The following EML4 variants were observed in gnomAD, a reference collection of about 807,000 sequenced individuals.
The protein encoded by EML4 is EMAP like 4, also known as echinoderm microtubule-associated protein-like 4.
A neutral mutation model predicts 129.0 loss-of-function variants in EML4; 72 were observed. The observed-to-expected ratio is 0.56, with a 90% CI of 0.46 to 0.68. EML4 has a LOEUF of 0.68. Ranked by LOEUF, EML4 falls within the 30% of genes least tolerant of loss-of-function variation. EML4 has a pLI of 0.00. For missense variants in EML4, 1,363 were observed against 1,190.6 expected, an observed-to-expected ratio of 1.14 and a Z score of -2.13; for synonymous variants, 532 against 405.0, an observed-to-expected ratio of 1.31 and a Z score of -3.77.
At chr2:42,191,171 T>A (rs963314264) in intron 1 of EML4, among the ~76,000 whole-genome samples, 1 of 152,188 alleles carries the variant, frequency 6.6e-6, no homozygotes, top group Non-Finnish European at 1.5e-5. Context: ...TGTTCATTAT[T>A]TTTTTTAATT....
At position 42,251,880 on chromosome 2, in the gene EML4, A is replaced by G. The variant is rs192252013; in HGVS notation, c.209-4621A>G. 3.0e-3 allele frequency among the ~76,000 whole-genome samples: 458 copies of G among 152,298 alleles called. 2 individuals carry two copies. Among genetic ancestry groups the G allele is most frequent in the African/African-American group, 0.011 (443 of 41,570 alleles). On this transcript the variant is annotated intron_variant, in intron 2 of 22. Coordinates refer to ENST00000318522, the MANE Select transcript of EML4 (RefSeq NM_019063.5). ...TGTTTGTACTTCTCTTTTGGCATAT[A>G]TATTTGTTGCTCCCACTAGGTGATA...
At chr2:42,285,754 A>G (rs1667269720) in intron 9 of EML4, among the ~76,000 whole-genome samples, 1 of 152,026 alleles carries the variant, frequency 6.6e-6, no homozygotes, top group African/African-American at 2.4e-5. Context: ...GCGTACTACC[A>G]TGCCTGGCTA....
At chr2:42,304,853 C>G (rs765195718) in intron 17 of EML4, among the ~76,000 whole-genome samples, 3 of 152,116 alleles carry the variant, frequency 2.0e-5, no homozygotes, top group African/African-American at 7.2e-5. Context: ...CTGACGCAGC[C>G]AGGCACAGTA....
chr2:42,330,342 T>G lies in EML4; in HGVS notation c.*135T>G. 1.3e-6 allele frequency: 1 copy of G among 796,684 alleles called. No individual in the cohort carries two copies. 49.4% of individuals were successfully genotyped at this position (796,684 alleles called of 1,614,324 possible). On this transcript the variant is annotated 3_prime_UTR_variant, in exon 23 of 23. Coordinates refer to ENST00000318522, the MANE Select transcript of EML4 (RefSeq NM_019063.5). The stretch of plus-strand genomic sequence containing the variant: ...TTTCCATGTGATTTGTTTTCTTCAA[T>G]AGTCTTATTTTCAGTCTCTCAAATA...
intron 1 of EML4, among the ~76,000 whole-genome samples, chr2:42,206,103 A>T (rs1302793482): frequency 6.6e-6 from 1 of 152,202 alleles, no homozygotes; most frequent in Non-Finnish European, 1.5e-5. Context: ...AAACGTTTGT[A>T]CGACATTTTT....
At chr2:42,312,572 T>C (rs1324777047) in intron 17 of EML4, among the ~76,000 whole-genome samples, 2 of 137,114 alleles carry the variant, frequency 1.5e-5, no homozygotes, top group Admixed American at 1.4e-4. Flanking sequence ...TTTTTTTTTT[T>C]AGACGGGGTC....
intron 1 of EML4, among the ~76,000 whole-genome samples, chr2:42,236,814 A>C (rs1171048863): frequency 1.3e-5 from 2 of 152,144 alleles, no homozygotes; most frequent in African/African-American, 4.8e-5. Context: ...TATCTTTGGG[A>C]ACACTGTATG....
At chr2:42,182,306 CCCT>C (rs1670995028) in intron 1 of EML4, among the ~76,000 whole-genome samples, 2 of 134,510 alleles carry the variant, frequency 1.5e-5, no homozygotes, top group African/African-American at 5.4e-5. Flanking sequence ...TATCCCTCCC[CCCT>C]CCCCCCTCCA....
chr2:42,288,311 G>A lies in EML4; in HGVS notation c.1207G>A (p.Ala403Thr), dbSNP rs143932826. The change falls in exon 11 of 23, where the codon GCA becomes ACA. Residue 403 changes from alanine to threonine, a missense_variant. Physicochemically the swap from Ala to Thr is moderately conservative, Grantham distance 58. Coordinates refer to ENST00000318522, the MANE Select transcript of EML4 (RefSeq NM_019063.5). ...VWDWQKKAKGAEIKTTNEVVL... is the reference protein window; with the variant it reads ...VWDWQKKAKGTEIKTTNEVVL... ...GGACTGGCAGAAGAAAGCAAAAGGA[G>A]CAGAAATAAAGGTAAATTTTTAAAA... 1.2e-3 allele frequency: 1,826 copies of A among 1,547,734 alleles called. 2 individuals carry two copies. The highest frequency in any genetic ancestry group is 3.6e-3 in the South Asian group (314 of 87,500).
intron 20 of EML4, 83 bp downstream of exon 20, chr2:42,325,637 T>TATATATATATATATATATATATATGC (rs1553397129): frequency 2.0e-5 from 4 of 204,850 alleles, no homozygotes; most frequent in Non-Finnish European, 3.6e-5. Context: ...TATATATATA[T>TATATATATATATATATATATATATGC]ATGCTAAGAT....
chr2:42,284,482 G>C (rs1168694953), intron 8 of EML4, 152 bp from the exon 9 acceptor site: 14 of 499,936 alleles, frequency 2.8e-5, no homozygotes, highest in Non-Finnish European at 4.6e-5. Context: ...GAAATCTTCA[G>C]ATATTTGATG....
chr2:42,292,646 T>C (rs1360415760), intron 11 of EML4, among the ~76,000 whole-genome samples: 2 of 152,216 alleles, frequency 1.3e-5, no homozygotes, highest in African/African-American at 4.8e-5. Context: ...AGGGTATTTA[T>C]GGAAGGTTAG....
chr2:42,329,695 G>A (rs1291557961), intron 22 of EML4, 39 bp from the exon 23 acceptor site: 2 of 1,545,242 alleles, frequency 1.3e-6, no homozygotes, highest in Non-Finnish European at 1.8e-6. Context: ...TGTCAAGAAT[G>A]AGTTTAATTT....
rs188685192 is a variant in EML4, at chr2:42,253,580, C to T, written c.209-2921C>T. Among the ~76,000 whole-genome samples the T allele has an allele frequency of 1.3e-3, 196 of 152,144 alleles. 1 individual carries two copies. The highest frequency in any genetic ancestry group is 4.6e-3 in the African/African-American group (189 of 41,462). ...CAAGAAGAGAGACTCGAGATAAACT[C>T]AACATAATCCAAAAGAGAAATTTGG... On this transcript the variant is annotated intron_variant, in intron 2 of 22. Coordinates refer to ENST00000318522, the MANE Select transcript of EML4 (RefSeq NM_019063.5).
chr2:42,173,324 A>G (rs1421731138), intron 1 of EML4, among the ~76,000 whole-genome samples: 1 of 151,192 alleles, frequency 6.6e-6, no homozygotes, highest in Non-Finnish European at 1.5e-5. Context: ...AACTTTTTTT[A>G]TTGGTTGCCT....
chr2:42,299,205 C>G (rs759402441), intron 13 of EML4, among the ~76,000 whole-genome samples: 1 of 152,200 alleles, frequency 6.6e-6, no homozygotes, highest in African/African-American at 2.4e-5. Flanking sequence ...CAAGCCCTTT[C>G]CTGTCTCCCT....
Position 42,198,998 on chromosome 2 carries a change from G to A in EML4, c.25+29362G>A, listed in dbSNP as rs567397037. The stretch of plus-strand genomic sequence containing the variant: ...AGTTGAAAGTATTGCAGTGAGAGTG[G>A]TTGAAGTTATGTATCTTGGGGGTTT... On this transcript the variant is annotated intron_variant, in intron 1 of 22. Coordinates refer to ENST00000318522, the MANE Select transcript of EML4 (RefSeq NM_019063.5). Among the ~76,000 whole-genome samples the A allele has an allele frequency of 1.3e-3, 199 of 152,322 alleles. 1 individual carries two copies. Among genetic ancestry groups the A allele is most frequent in the African/African-American group, 4.3e-3 (179 of 41,570 alleles).
intron 17 of EML4, among the ~76,000 whole-genome samples, chr2:42,308,064 T>G (rs954826732): frequency 1.3e-5 from 2 of 152,274 alleles, no homozygotes; most frequent in Non-Finnish European, 1.5e-5. Context: ...CTAGATATCT[T>G]CTACTTCATG....
chr2:42,256,422 A>G, intron 2 of EML4, 79 bp from the exon 3 acceptor site: 1 of 1,437,236 alleles, frequency 7.0e-7, no homozygotes, highest in Non-Finnish European at 9.3e-7. Flanking sequence ...CCTCCTTCCA[A>G]ATGGACTTAA....
Sources: gnomAD v4.1 joint callset for allele counts (sites outside exome capture counted in the v4.1 genomes callset) on GRCh38, gnomAD v4.1.1 for gene constraint, MANE v1.5 for transcripts, NCBI Gene and HGNC (gene_info 2026-07-23, HGNC 2026-07-21) for gene names.